The following SLC44A3 variants were observed in gnomAD, a reference collection of about 807,000 sequenced individuals.
SLC44A3 encodes the protein choline transporter-like protein 3.
In SLC44A3, 74 loss-of-function variants were observed where a neutral mutation model predicts 75.4. The ratio of observed to expected loss-of-function variants is 0.98; its 90% CI spans 0.81 to 1.19. The LOEUF is 1.19. Among genes scored for constraint, SLC44A3 ranks in the 50% most tolerant of loss-of-function variants. SLC44A3 has a pLI of 0.00. For missense variants in SLC44A3, 700 were observed against 778.6 expected (o/e 0.90, Z 1.20); for synonymous variants, 310 against 296.9 (o/e 1.04, Z -0.45).
chr1:94,881,223 C>A (rs1357199749), intron 12 of SLC44A3, among the ~76,000 whole-genome samples: 1 of 152,166 alleles, frequency 6.6e-6, no homozygotes, highest in Non-Finnish European at 1.5e-5. Flanking sequence ...CCTGGCAGGG[C>A]AGCTCTGGCT....
At chr1:94,826,045 T>C (rs1001808932) in intron 3 of SLC44A3, 3 of 381,290 alleles carry the variant, frequency 7.9e-6, no homozygotes, top group African/African-American at 6.3e-5. Context: ...TATATTACAA[T>C]GAAATATTAA....
Position 94,842,133 on chromosome 1 carries a change from T to C in SLC44A3, c.885+9T>C. Reference sequence around the variant, plus strand: ...TATCCACAGGCATCACGGTAAGAAATGCTCTTCTAGCAGTAGGTCAGGTAG... The same window carrying C: ...TATCCACAGGCATCACGGTAAGAAACGCTCTTCTAGCAGTAGGTCAGGTAG... On this transcript the variant is annotated intron_variant, in intron 8 of 14. Transcript: ENST00000271227. The C allele has an allele frequency of 6.2e-7, 1 of 1,601,094 alleles. No individual in the cohort carries two copies. The highest frequency in any genetic ancestry group is 8.5e-7 in the Non-Finnish European group (1 of 1,174,598).
chr1:94,865,720 G>A (rs1226892323), intron 11 of SLC44A3, among the ~76,000 whole-genome samples: 1 of 152,112 alleles, frequency 6.6e-6, no homozygotes, highest in Non-Finnish European at 1.5e-5. Flanking sequence ...CCTTAGAGTT[G>A]GTGACTTGGT....
At chr1:94,888,637 CTTTCTT>C in intron 12 of SLC44A3, 1 of 954,138 alleles carries the variant, frequency 1.0e-6, no homozygotes, top group Non-Finnish European at 1.2e-6. Flanking sequence ...CCTTGTGGAA[CTTTCTT>C]TTTTTTTTTT....
intron 13 of SLC44A3, 116 bp downstream of exon 13, chr1:94,891,383 T>C (rs1414663387): frequency 9.1e-7 from 1 of 1,094,784 alleles, no homozygotes; most frequent in African/African-American, 1.6e-5. Flanking sequence ...GGTGCTGTGC[T>C]TCATTATCTC....
intron 5 of SLC44A3, chr1:94,836,789 T>A (rs1662856488): frequency 6.6e-6 from 1 of 152,054 alleles, no homozygotes; most frequent in South Asian, 2.1e-4. Flanking sequence ...CACATGCCTG[T>A]AGTCTCAGCT....
At chr1:94,835,242 G>A (rs923189490) in intron 5 of SLC44A3, among the ~76,000 whole-genome samples, 3 of 152,152 alleles carry the variant, frequency 2.0e-5, no homozygotes, top group Admixed American at 2.0e-4. Context: ...TTGAGCTCAG[G>A]AGTTCAAGAC....
chr1:94,820,660 C>A (rs571814090), intron 1 of SLC44A3, 182 bp downstream of exon 1: 2 of 1,381,960 alleles, frequency 1.4e-6, no homozygotes. Flanking sequence ...AGTGCTGGGG[C>A]GGAGGCGGGG....
chr1:94,885,664 G>A (rs12144222), intron 12 of SLC44A3, among the ~76,000 whole-genome samples: 13,729 of 152,210 alleles, frequency 0.09, 683 homozygotes, highest in Non-Finnish European at 0.11. Flanking sequence ...GAAGATGGAC[G>A]CAACATCTAT....
intron 9 of SLC44A3, among the ~76,000 whole-genome samples, chr1:94,848,407 G>A (rs1664740645): frequency 6.6e-6 from 1 of 152,130 alleles, no homozygotes; most frequent in Admixed American, 6.5e-5. Flanking sequence ...CTGGGCAGCA[G>A]CACTGTAGGG....
chr1:94,881,856 CAAAA>C (rs11435512), intron 12 of SLC44A3, among the ~76,000 whole-genome samples: 1 of 138,958 alleles, frequency 7.2e-6, no homozygotes, highest in Non-Finnish European at 1.5e-5. Flanking sequence ...ACTAAAAATA[CAAAA>C]AAAAAAAAAA....
intron 3 of SLC44A3, 46 bp from the exon 4 acceptor site, chr1:94,827,461 G>C: frequency 6.2e-7 from 1 of 1,609,696 alleles, no homozygotes. Flanking sequence ...TAAGACCAGT[G>C]AGAAGCAATG....
intron 7 of SLC44A3, among the ~76,000 whole-genome samples, chr1:94,840,912 G>A (rs1221961166): frequency 1.3e-5 from 2 of 152,190 alleles, no homozygotes; most frequent in Non-Finnish European, 2.9e-5. Context: ...ACAAGGGCAC[G>A]CAGGAGGCTC....
At position 94,821,005 on chromosome 1, in the gene SLC44A3, A is replaced by G; in HGVS notation, c.84A>G (p.Lys28=). 6.4e-7 allele frequency: 1 copy of G among 1,551,630 alleles called. No homozygotes were observed. The highest frequency in any genetic ancestry group is 8.7e-7 in the Non-Finnish European group (1 of 1,146,942). Residue 28 remains lysine (K), a synonymous_variant, in exon 2 of 15, where the codon AAA becomes AAG. Transcript: ENST00000271227. ...AGTGGCGACCCCAGATTTATAGGAA[A>G]TGCACAGATACGGCATGGTTATTCC... The part of the protein sequence containing the change: ...QREWRPQIYR[K]CTDTAWLFLF...
chr1:94,879,135 A>T (rs1393788367), intron 12 of SLC44A3, among the ~76,000 whole-genome samples: 1 of 152,042 alleles, frequency 6.6e-6, no homozygotes, highest in African/African-American at 2.4e-5. Flanking sequence ...ATCCTATAGA[A>T]TGGGAGAAAA....
Position 94,821,819 on chromosome 1 carries a change from A to T in SLC44A3, c.135+763A>T, listed in dbSNP as rs1660631944. Among the ~76,000 whole-genome samples the T allele has an allele frequency of 2.0e-5, 3 of 152,206 alleles. No individual in the cohort carries two copies. The South Asian group carries it at 6.2e-4, about 32-fold the overall frequency. ...GGGTAATAACTACCAGATAGTAATT[A>T]CCTTTGTTGAAAAGAATTCCATCTG... is the stretch of plus-strand genomic sequence containing the variant. On this transcript the variant is annotated intron_variant, in intron 2 of 14. Transcript: ENST00000271227.
chr1:94,842,433 C>T lies in SLC44A3; in HGVS notation c.885+309C>T, dbSNP rs1476950408. Among the ~76,000 whole-genome samples the T allele has an allele frequency of 2.0e-5, 3 of 152,252 alleles. No individual in the cohort carries two copies. The South Asian group carries it at 6.2e-4, about 32-fold the overall frequency. On this transcript the variant is annotated intron_variant, in intron 8 of 14. Transcript: ENST00000271227. ...TGGGTGGGCGGAGGCAGGCTTACGGCAGTTCCCATTCCCTGTTTGTGAGGT... is the reference window on the plus strand; with the variant it reads ...TGGGTGGGCGGAGGCAGGCTTACGGTAGTTCCCATTCCCTGTTTGTGAGGT...
intron 12 of SLC44A3, among the ~76,000 whole-genome samples, chr1:94,873,973 T>A (rs1247702824): frequency 6.6e-6 from 1 of 152,214 alleles, no homozygotes; most frequent in South Asian, 2.1e-4. Flanking sequence ...TTCTGAATCC[T>A]CCACCCCTGC....
At chr1:94,850,143 A>C (rs932996635) in intron 9 of SLC44A3, among the ~76,000 whole-genome samples, 12 of 152,060 alleles carry the variant, frequency 7.9e-5, no homozygotes, top group African/African-American at 2.9e-4. Flanking sequence ...CTATTTTTCT[A>C]ATGACTGTTA....
Sources: allele counts gnomAD v4.1 joint callset (sites outside exome capture counted in the v4.1 genomes callset), GRCh38; gene constraint gnomAD v4.1.1; transcripts MANE v1.5; gene names NCBI Gene and HGNC (gene_info 2026-07-23, HGNC 2026-07-21).